Variants in SLC25A13 observed in about 807,000 individuals in gnomAD.
The protein encoded by SLC25A13 is solute carrier family 25 member 13, also known as electrogenic aspartate/glutamate antiporter SLC25A13, mitochondrial.
SLC25A13 carries 70 observed loss-of-function variants against 85.5 expected under a neutral mutation model. The observed-to-expected ratio is 0.82, with a 90% CI of 0.68 to 1.00. SLC25A13 has a LOEUF of 1.00. Ranked by LOEUF, SLC25A13 falls within the 50% of genes least tolerant of loss-of-function variation. The pLI is 0.00. For missense variants in SLC25A13, 765 were observed against 819.8 expected (o/e 0.93, Z 0.82); for synonymous variants, 259 against 288.7 (o/e 0.90, Z 1.04).
At chr7:96,307,346 T>C (rs1020442827) in intron 1 of SLC25A13, among the ~76,000 whole-genome samples, 3 of 152,156 alleles carry the variant, frequency 2.0e-5, no homozygotes, top group Non-Finnish European at 4.4e-5. Context: ...TGAAGAAATC[T>C]TGTTTAGAGA....
chr7:96,306,562 C>T (rs140520290), intron 1 of SLC25A13, among the ~76,000 whole-genome samples: 1,665 of 150,750 alleles, frequency 0.011, 24 homozygotes, highest in African/African-American at 0.038. Context: ...AGTACAGCAG[C>T]CAAACGGTAG....
At chr7:96,249,145 T>C (rs184215217) in intron 3 of SLC25A13, among the ~76,000 whole-genome samples, 14 of 152,268 alleles carry the variant, frequency 9.2e-5, no homozygotes, top group Middle Eastern at 6.8e-3. Flanking sequence ...ATGTCCATTT[T>C]TTGTAAAAAA....
At chr7:96,131,591 C>T in intron 15 of SLC25A13, 152 bp downstream of exon 15, 1 of 935,328 alleles carries the variant, frequency 1.1e-6, no homozygotes, top group Non-Finnish European at 1.6e-6. Context: ...TAATTTTTTC[C>T]CTTTTTTTTC....
chr7:96,263,026 G>GAAAA (rs5885951), intron 3 of SLC25A13, among the ~76,000 whole-genome samples: 20 of 133,260 alleles, frequency 1.5e-4, no homozygotes, highest in Non-Finnish European at 2.5e-4. Context: ...AACCATCTAG[G>GAAAA]AAAAAAAAAA....
intron 2 of SLC25A13, among the ~76,000 whole-genome samples, chr7:96,291,106 G>A (rs1799100455): frequency 6.6e-6 from 1 of 152,134 alleles, no homozygotes. Context: ...AATCAAACTA[G>A]AACTCAGGAT....
chr7:96,198,929 C>T (rs1026254709), intron 5 of SLC25A13, among the ~76,000 whole-genome samples: 5 of 152,078 alleles, frequency 3.3e-5, no homozygotes, highest in African/African-American at 7.2e-5. Flanking sequence ...CAGTTATAAA[C>T]AAAAAGTTAA....
chr7:96,217,778 T>C (rs185056550), intron 4 of SLC25A13, among the ~76,000 whole-genome samples: 51 of 152,150 alleles, frequency 3.4e-4, no homozygotes, highest in Admixed American at 2.4e-3. Context: ...AGGTTTCTTG[T>C]TGGGGTGATG....
At chr7:96,254,564 A>G (rs1047112998) in intron 3 of SLC25A13, among the ~76,000 whole-genome samples, 2 of 152,182 alleles carry the variant, frequency 1.3e-5, no homozygotes, top group Non-Finnish European at 1.5e-5. Flanking sequence ...AAATATACAT[A>G]TATACCCACA....
At chr7:96,210,550 T>C (rs1795651728) in intron 4 of SLC25A13, among the ~76,000 whole-genome samples, 1 of 152,226 alleles carries the variant, frequency 6.6e-6, no homozygotes, top group African/African-American at 2.4e-5. Context: ...GTGCCAAGTA[T>C]TGTTCTAATG....
intron 3 of SLC25A13, among the ~76,000 whole-genome samples, chr7:96,255,981 C>T (rs906968015): frequency 4.6e-5 from 7 of 152,004 alleles, no homozygotes; most frequent in African/African-American, 1.4e-4. Context: ...AACTAAGCTT[C>T]ATAAGTGAAG....
Position 96,232,624 on chromosome 7 carries a change from A to AAATTTTAAAT in SLC25A13, c.328+2177_328+2178insATTTAAAATT, listed in dbSNP as rs1390687859. Reference sequence around the variant, plus strand: ...AAAAAAAATTTAAAAAAATTTTAAAAAAAAGGGCTTCCCAAAGAAAAATGA... The same window carrying AAATTTTAAAT: ...AAAAAAAATTTAAAAAAATTTTAAAAAATTTTAAATAAAAGGGCTTCCCAAAGAAAAATGA... On this transcript the variant is annotated intron_variant, in intron 4 of 17. Transcript: ENST00000265631. Among the ~76,000 whole-genome samples the AAATTTTAAAT allele has an allele frequency of 2.0e-5, 3 of 147,416 alleles. No homozygotes were observed. The Admixed American group carries it at 2.1e-4, about 10-fold the overall frequency.
intron 13 of SLC25A13, among the ~76,000 whole-genome samples, chr7:96,162,083 A>C (rs1793528324): frequency 6.6e-6 from 1 of 152,220 alleles, no homozygotes; most frequent in East Asian, 1.9e-4. Context: ...ATGTGCAGAG[A>C]CTTGCATAGT....
At chr7:96,140,397 CTTTTTTTTTTTT>C (rs59863233) in intron 14 of SLC25A13, among the ~76,000 whole-genome samples, 1 of 88,128 alleles carries the variant, frequency 1.1e-5, no homozygotes, top group African/African-American at 5.1e-5. Context: ...CAAGGATCTC[CTTTTTTTTTTTT>C]TTTTTTTTTT....
At chr7:96,263,244 G>C (rs1202762277) in intron 3 of SLC25A13, among the ~76,000 whole-genome samples, 2 of 151,962 alleles carry the variant, frequency 1.3e-5, no homozygotes, top group Non-Finnish European at 2.9e-5. Flanking sequence ...GGACACCCAG[G>C]TTACCCTTTA....
At chr7:96,140,430 A>T (rs1792489992) in intron 14 of SLC25A13, among the ~76,000 whole-genome samples, 1 of 106,968 alleles carries the variant, frequency 9.3e-6, no homozygotes, top group Non-Finnish European at 1.7e-5. Flanking sequence ...TTTGAGACGG[A>T]GTCTCCCTCT....
chr7:96,241,650 A>G (rs1414068639), intron 3 of SLC25A13, among the ~76,000 whole-genome samples: 3 of 152,220 alleles, frequency 2.0e-5, no homozygotes, highest in Non-Finnish European at 4.4e-5. Flanking sequence ...TAGAAATTTA[A>G]GATTTTTTTC....
At chr7:96,259,107 A>C (rs2116889006) in intron 3 of SLC25A13, among the ~76,000 whole-genome samples, 1 of 152,258 alleles carries the variant, frequency 6.6e-6, no homozygotes. Flanking sequence ...AACCATAAAA[A>C]CCCTAGAAGA....
intron 3 of SLC25A13, among the ~76,000 whole-genome samples, chr7:96,275,673 G>A (rs1798419957): frequency 6.6e-6 from 1 of 152,100 alleles, no homozygotes; most frequent in Non-Finnish European, 1.5e-5. Context: ...ACTCATAGAT[G>A]GGAATTGAAC....
At chr7:96,133,575 G>T (rs1291339704) in intron 14 of SLC25A13, among the ~76,000 whole-genome samples, 2 of 152,160 alleles carry the variant, frequency 1.3e-5, no homozygotes, top group African/African-American at 4.8e-5. Flanking sequence ...ATAACTGTGT[G>T]TAACATCCAA....
Sources: allele counts gnomAD v4.1 joint callset (sites outside exome capture counted in the v4.1 genomes callset), GRCh38; gene constraint gnomAD v4.1.1; transcripts MANE v1.5; gene names NCBI Gene and HGNC (gene_info 2026-07-23, HGNC 2026-07-21).